The following DNAI1 variants were observed in gnomAD, a reference collection of about 807,000 sequenced individuals.
The protein encoded by DNAI1 is dynein axonemal intermediate chain 1.
In DNAI1, 67 loss-of-function variants were observed where a neutral mutation model predicts 92.0. The ratio of observed to expected loss-of-function variants is 0.73; its 90% CI spans 0.60 to 0.89. The LOEUF (loss-of-function observed/expected upper bound fraction) is 0.89, where lower values mean the gene tolerates loss of function less well. Among genes scored for constraint, DNAI1 ranks in the 40% least tolerant of loss-of-function variants. The pLI is 0.00. For missense variants in DNAI1, 839 were observed against 866.6 expected, an observed-to-expected ratio of 0.97 and a Z score of 0.40; for synonymous variants, 323 against 319.6, an observed-to-expected ratio of 1.01 and a Z score of -0.11.
chr9:34,486,597 AT>A (rs903862396), intron 4 of DNAI1, among the ~76,000 whole-genome samples: 34 of 152,108 alleles, frequency 2.2e-4, no homozygotes, highest in Non-Finnish European at 4.3e-4. Context: ...AGAAGAATTT[AT>A]TTTTTTGTTT....
chr9:34,509,723 G>A (rs1825026836), intron 13 of DNAI1, among the ~76,000 whole-genome samples: 1 of 151,988 alleles, frequency 6.6e-6, no homozygotes, highest in South Asian at 2.1e-4. Flanking sequence ...GAGAGCTGGT[G>A]GGGTAGCAAA....
At chr9:34,502,332 C>T (rs1415876768) in intron 12 of DNAI1, among the ~76,000 whole-genome samples, 1 of 152,168 alleles carries the variant, frequency 6.6e-6, no homozygotes, top group East Asian at 1.9e-4. Flanking sequence ...TGGCAGGGAA[C>T]TAGCACATTC....
At chr9:34,513,775 C>G (rs756107308) in intron 16 of DNAI1, among the ~76,000 whole-genome samples, 1 of 152,172 alleles carries the variant, frequency 6.6e-6, no homozygotes, top group Non-Finnish European at 1.5e-5. Flanking sequence ...AAAGAAGTCC[C>G]CACCCCCTCT....
At chr9:34,511,036 A>G (rs546578871) in intron 13 of DNAI1, among the ~76,000 whole-genome samples, 70 of 152,334 alleles carry the variant, frequency 4.6e-4, no homozygotes, top group African/African-American at 1.6e-3. Flanking sequence ...CCCTGGTGAC[A>G]GCAGCAGTTA....
chr9:34,496,271 G>A, intron 9 of DNAI1, among the ~76,000 whole-genome samples: 1 of 152,212 alleles, frequency 6.6e-6, no homozygotes, highest in Non-Finnish European at 1.5e-5. Flanking sequence ...ACCGCTACCT[G>A]ACGCTGCTGT....
chr9:34,472,918 T>C (rs1321036763), intron 1 of DNAI1, among the ~76,000 whole-genome samples: 1 of 151,776 alleles, frequency 6.6e-6, no homozygotes, highest in Non-Finnish European at 1.5e-5. Flanking sequence ...AAAAAAATTA[T>C]GACGATGAGT....
chr9:34,493,332 TG>T lies in DNAI1; in HGVS notation c.816+6del, dbSNP rs1193334416. The T allele has an allele frequency of 3.7e-6, 6 of 1,614,072 alleles. No homozygotes were observed. The highest frequency in any genetic ancestry group is 1.7e-5 in the Admixed American group (1 of 60,024). ...GCTGACATCTATGGAGTCTCAGGTT[TG>T]GTGTTAGTTCCTACAGCTCTGCCAC... On this transcript the variant is annotated splice_donor_5th_base_variant and intron_variant, in intron 9 of 19. Transcript: ENST00000242317.
At chr9:34,502,530 G>A (rs1170035030) in intron 12 of DNAI1, among the ~76,000 whole-genome samples, 1 of 152,084 alleles carries the variant, frequency 6.6e-6, no homozygotes, top group Non-Finnish European at 1.5e-5. Context: ...CAGTTTTAGC[G>A]CTATTCTCCC....
At chr9:34,467,122 T>A (rs1824052446) in intron 1 of DNAI1, among the ~76,000 whole-genome samples, 1 of 152,222 alleles carries the variant, frequency 6.6e-6, no homozygotes, top group African/African-American at 2.4e-5. Flanking sequence ...GTAACTTCCA[T>A]ATTGTTTCTG....
chr9:34,469,851 A>G (rs933944595), intron 1 of DNAI1, among the ~76,000 whole-genome samples: 1 of 152,200 alleles, frequency 6.6e-6, no homozygotes, highest in Non-Finnish European at 1.5e-5. Flanking sequence ...GAGTGCTGAG[A>G]TTACAGGCGT....
intron 1 of DNAI1, among the ~76,000 whole-genome samples, chr9:34,474,003 C>T (rs1017476628): frequency 1.3e-5 from 2 of 152,164 alleles, no homozygotes; most frequent in African/African-American, 4.8e-5. Flanking sequence ...ACTGGGACTA[C>T]AGGCATAAAC....
At position 34,514,424 on chromosome 9, in the gene DNAI1, G is replaced by T; in HGVS notation, c.1600G>T (p.Asp534Tyr). 3 of 1,614,092 alleles carry T rather than the reference G, an allele frequency of 1.9e-6. No homozygotes were observed. The highest frequency in any genetic ancestry group is 2.5e-6 in the Non-Finnish European group (3 of 1,180,034). The change falls in exon 17 of 20, where the codon GAC becomes TAC. Residue 534 changes from aspartate (D) to tyrosine (Y), a missense_variant. Transcript: ENST00000242317. ...TAAATCCTACTCCAGCCAATTCCTCGACACCTATGACGCCCACAACATGTC... is the reference window on the plus strand; with the variant it reads ...TAAATCCTACTCCAGCCAATTCCTCTACACCTATGACGCCCACAACATGTC... Reference protein sequence around the residue: ...CSKSYSSQFLDTYDAHNMSVD... With the variant: ...CSKSYSSQFLYTYDAHNMSVD...
intron 1 of DNAI1, among the ~76,000 whole-genome samples, chr9:34,464,353 A>T (rs1324500042): frequency 6.6e-6 from 1 of 152,178 alleles, no homozygotes; most frequent in African/African-American, 2.4e-5. Flanking sequence ...AATGGGCCTG[A>T]GACCTACCTG....
In DNAI1 at chr9:34,501,009, T is replaced by C. The variant is rs1441119254; in HGVS notation, c.1020-129T>C. On this transcript the variant is annotated intron_variant, in intron 11 of 19. Transcript: ENST00000242317. ...CAAGACCACCCCCAGGACTCCCAAG[T>C]GGTGAGGGCCTAAGCTGGAGAACAG... 3 of 986,700 alleles carry C rather than the reference T, an allele frequency of 3.0e-6. No individual in the cohort carries two copies. In the Admixed American group the frequency reaches 5.1e-5, roughly 17 times the overall value. 61.1% of individuals were successfully genotyped at this position (986,700 alleles called of 1,614,324 possible).
In DNAI1 at chr9:34,491,127, G is replaced by A. The variant is rs187989817; in HGVS notation, c.622-368G>A. Among the ~76,000 whole-genome samples the A allele has an allele frequency of 3.3e-5, 5 of 152,312 alleles. No individual in the cohort carries two copies. The East Asian group carries it at 9.6e-4, about 29-fold the overall frequency. On this transcript the variant is annotated intron_variant, in intron 7 of 19. Coordinates refer to ENST00000242317, the MANE Select transcript of DNAI1 (RefSeq NM_012144.4). ...TGGAGCCAGAGACCCTCATATTAGAGAGGCCTTCTCAGGGCAAGGGGTGTT... is the reference window on the plus strand; with the variant it reads ...TGGAGCCAGAGACCCTCATATTAGAAAGGCCTTCTCAGGGCAAGGGGTGTT...
rs79716834 is a variant in DNAI1, at chr9:34,505,142, A to G, written c.1064-1485A>G. Among the ~76,000 whole-genome samples, 150 of 152,338 alleles carry G rather than the reference A, an allele frequency of 9.8e-4. 2 individuals are homozygous for G. The East Asian group carries it at 0.024, about 24-fold the overall frequency. ...TAATGGCTTAAAATAACACAAAATT[A>G]TCATATAGTTCTGGAGGTCAGAAGT... On this transcript the variant is annotated intron_variant, in intron 12 of 19. Coordinates refer to ENST00000242317, the MANE Select transcript of DNAI1 (RefSeq NM_012144.4).
Position 34,520,815 on chromosome 9 carries a change from T to C in DNAI1, c.*59T>C, listed in dbSNP as rs2132089939. The C allele has an allele frequency of 6.6e-7, 1 of 1,513,500 alleles. No individual in the cohort carries two copies. The highest frequency in any genetic ancestry group is 1.4e-5 in the African/African-American group (1 of 72,326). 93.8% of individuals were successfully genotyped at this position (1,513,500 alleles called of 1,614,324 possible). A position where few individuals can be genotyped will look rare whatever the true frequency, so the allele number is the denominator to read the frequency against. On this transcript the variant is annotated 3_prime_UTR_variant, in exon 20 of 20. Coordinates refer to ENST00000242317, the MANE Select transcript of DNAI1 (RefSeq NM_012144.4). ...ATACAGTACTCCTAGGGCTTGACCC[T>C]GGTACCCAGCCCAGCCTTAGCACCC...
rs145999776 is a variant in DNAI1, at chr9:34,478,047, C to T, written c.49-5401C>T. 3.4e-3 allele frequency among the ~76,000 whole-genome samples: 509 copies of T among 151,066 alleles called. 2 individuals carry two copies. Among genetic ancestry groups the T allele is most frequent in the African/African-American group, 0.011 (467 of 41,076 alleles). ...CGTTACAGGCGTGCACCACCATACC[C>T]GGCTAATTTTTGTATTTTTAGTAGA... is the stretch of plus-strand genomic sequence containing the variant. On this transcript the variant is annotated intron_variant, in intron 1 of 19. Coordinates refer to ENST00000242317, the MANE Select transcript of DNAI1 (RefSeq NM_012144.4).
chr9:34,490,321 A>C, intron 6 of DNAI1, 48 bp from the exon 7 acceptor site: 6 of 1,614,070 alleles, frequency 3.7e-6, no homozygotes, highest in Non-Finnish European at 5.1e-6. Context: ...CCGGTTTTCT[A>C]CCACCTTCTC....
Sources: gnomAD v4.1 joint callset for allele counts (sites outside exome capture counted in the v4.1 genomes callset) on GRCh38, gnomAD v4.1.1 for gene constraint, MANE v1.5 for transcripts, NCBI Gene and HGNC (gene_info 2026-07-23, HGNC 2026-07-21) for gene names.